PGRMC1: variants seen among roughly 807,000 people sequenced by gnomAD.
PGRMC1 encodes the protein membrane-associated progesterone receptor component 1.
For missense variants in PGRMC1, 145 were observed against 169.0 expected, an observed-to-expected ratio of 0.86 and a Z score of 0.79; for synonymous variants, 73 against 77.3, an observed-to-expected ratio of 0.94 and a Z score of 0.29.
intron 1 of PGRMC1, among the ~76,000 whole-genome samples, chrX:119,236,994 C>T (rs1338893942): frequency 9.0e-6 from 1 of 111,513 alleles, no homozygotes; most frequent in Non-Finnish European, 1.9e-5. Flanking sequence ...TGGGTGGGAC[C>T]ACGAAGCTCG....
intron 1 of PGRMC1, among the ~76,000 whole-genome samples, 166 bp from the exon 2 acceptor site, chrX:119,240,143 G>A (rs1231795174): frequency 8.9e-6 from 1 of 112,376 alleles, no homozygotes; most frequent in Non-Finnish European, 1.9e-5. Flanking sequence ...GTCTTTCTGT[G>A]TCTCCTACAT....
chrX:119,242,212 T>C (rs1372115326), intron 2 of PGRMC1, among the ~76,000 whole-genome samples: 2 of 103,587 alleles, frequency 1.9e-5, no homozygotes, highest in Non-Finnish European at 4.0e-5. Context: ...CAGGGAAACC[T>C]TTTTTTTTTT....
chrX:119,243,479 A>G lies in PGRMC1; in HGVS notation c.*225A>G, dbSNP rs768340463. Reference sequence around the variant, plus strand: ...AGTGAACTGCAGTGCTGTAATACACATGTTAATACTGTTTTTCTTCTATCT... The same window carrying G: ...AGTGAACTGCAGTGCTGTAATACACGTGTTAATACTGTTTTTCTTCTATCT... On this transcript the variant is annotated 3_prime_UTR_variant, in exon 3 of 3. Coordinates refer to ENST00000217971, the MANE Select transcript of PGRMC1 (RefSeq NM_006667.5). The G allele has an allele frequency of 1.7e-5, 7 of 402,172 alleles. No homozygotes were observed. Among genetic ancestry groups the G allele is most frequent in the African/African-American group, 1.5e-4 (6 of 39,834 alleles). 33.1% of individuals were successfully genotyped at this position (402,172 alleles called of 1,213,427 possible).
chrX:119,236,375 G>A lies in PGRMC1; in HGVS notation c.12G>A (p.Glu4=), dbSNP rs1930691733. Residue 4 remains glutamate (E), a synonymous_variant, in exon 1 of 3, where the codon GAG becomes GAA. Transcript: ENST00000217971. ...TTACTCCAGAGATCATGGCTGCCGA[G>A]GATGTGGTGGCGACTGGCGCCGACC... is the stretch of plus-strand genomic sequence containing the variant. MAA[E]DVVATGADPS... 8.3e-7 allele frequency: 1 copy of A among 1,210,592 alleles called. No individual in the cohort carries two copies. The highest frequency in any genetic ancestry group is 1.8e-5 in the South Asian group (1 of 57,010).
chrX:119,237,152 G>A (rs1318534309), intron 1 of PGRMC1, among the ~76,000 whole-genome samples: 4 of 110,486 alleles, frequency 3.6e-5, no homozygotes, highest in African/African-American at 1.3e-4. Context: ...GGGGGAGGGC[G>A]AGAGTGAGAA....
intron 2 of PGRMC1, 86 bp downstream of exon 2, chrX:119,240,550 T>C (rs1441717023): frequency 2.2e-5 from 18 of 808,992 alleles, no homozygotes; most frequent in Non-Finnish European, 3.3e-5. Flanking sequence ...CTAAGCAGCC[T>C]GAAACTTGGG....
chrX:119,240,054 T>C (rs187980601), intron 1 of PGRMC1, among the ~76,000 whole-genome samples: 1 of 112,060 alleles, frequency 8.9e-6, no homozygotes, highest in East Asian at 2.8e-4. Context: ...TTACTAGCTA[T>C]TTGGAAACCA....
intron 1 of PGRMC1, among the ~76,000 whole-genome samples, chrX:119,239,510 T>C (rs1200356936): frequency 1.8e-5 from 2 of 112,681 alleles, no homozygotes; most frequent in Non-Finnish European, 3.7e-5. Flanking sequence ...ATATCCACTT[T>C]GTGTACCCAC....
At position 119,240,477 on chromosome X, in the gene PGRMC1, A is replaced by C; in HGVS notation, c.484+13A>C. The C allele has an allele frequency of 1.7e-6, 2 of 1,188,793 alleles. No individual in the cohort carries two copies. The highest frequency in any genetic ancestry group is 2.3e-6 in the Non-Finnish European group (2 of 874,860). The stretch of plus-strand genomic sequence containing the variant: ...TCTCAGTTCACTTGTAAGCATTTTT[A>C]AAATTGTGTCTGGGTCAAATTTCTA... On this transcript the variant is annotated intron_variant, in intron 2 of 2. Transcript: ENST00000217971.
chrX:119,242,665 C>T (rs1930845215), intron 2 of PGRMC1, among the ~76,000 whole-genome samples: 1 of 111,768 alleles, frequency 8.9e-6, no homozygotes, highest in Non-Finnish European at 1.9e-5. Context: ...AATCTTATCT[C>T]CTACTAACTT....
chrX:119,240,316 G>T lies in PGRMC1; in HGVS notation c.336G>T (p.Pro112=), dbSNP rs148870848. ...TTGGTTTTGTTTTTGAAGAGGGGCC[G>T]TATGGGGTCTTTGCTGGAAGAGATG... The part of the protein sequence containing the change: ...KGRKFYGPEG[P]YGVFAGRDAS... The change falls in exon 2 of 3, where the codon CCG becomes CCT. Residue 112 remains proline, a synonymous_variant. Transcript: ENST00000217971. 7.4e-6 allele frequency: 9 copies of T among 1,208,185 alleles called. 1 individual carries two copies. In the African/African-American group the frequency reaches 1.4e-4, roughly 19 times the overall value.
rs1320576197 is a variant in PGRMC1 at position 119,236,303 on chromosome X, A to T, written c.-61A>T. The stretch of plus-strand genomic sequence containing the variant: ...GCGCGCCACTCGCTCGCTCAGAGGG[A>T]GGAGAAAGTGGCGAGTTCCGGATCC... On this transcript the variant is annotated 5_prime_UTR_variant, in exon 1 of 3. Coordinates refer to ENST00000217971, the MANE Select transcript of PGRMC1 (RefSeq NM_006667.5). 1.1e-5 allele frequency: 12 copies of T among 1,044,456 alleles called. No individual in the cohort carries two copies. Among genetic ancestry groups the T allele is most frequent in the Non-Finnish European group, 1.5e-5 (11 of 753,666 alleles). The allele number at this position is 1,044,456 out of a possible 1,213,427, so 86.1% of individuals were successfully genotyped here. A position where few individuals can be genotyped will look rare whatever the true frequency, so the allele number is the denominator to read the frequency against.
Position 119,240,437 on chromosome X carries a change from C to G in PGRMC1, c.457C>G (p.Leu153Val), listed in dbSNP as rs373439524. The part of the protein sequence containing the change: ...SDLTAAQQET[L>V]SDWESQFTFK... Reference sequence around the variant, plus strand: ...CCTCACTGCTGCCCAGCAGGAGACTCTGAGTGACTGGGAGTCTCAGTTCAC... The same window carrying G: ...CCTCACTGCTGCCCAGCAGGAGACTGTGAGTGACTGGGAGTCTCAGTTCAC... The change falls in exon 2 of 3, where the codon CTG (leucine) becomes GTG (valine). Residue 153 changes from leucine (L) to valine (V), a missense_variant. Coordinates refer to ENST00000217971, the MANE Select transcript of PGRMC1 (RefSeq NM_006667.5). 2 of 1,206,397 alleles carry G rather than the reference C, an allele frequency of 1.7e-6. No individual in the cohort carries two copies. The highest frequency in any genetic ancestry group is 3.5e-5 in the African/African-American group (2 of 57,047).
Position 119,241,781 on chromosome X carries a change from T to G in PGRMC1, c.484+1317T>G, listed in dbSNP as rs188921745. On this transcript the variant is annotated intron_variant, in intron 2 of 2. Transcript: ENST00000217971. ...TTACCTGGTTAGACAGGTTGGTTACTCCTCTAATTCCTACTCATATTCAGG... is the reference window on the plus strand; with the variant it reads ...TTACCTGGTTAGACAGGTTGGTTACGCCTCTAATTCCTACTCATATTCAGG... 7.3e-3 allele frequency among the ~76,000 whole-genome samples: 819 copies of G among 112,105 alleles called. 5 individuals carry two copies. Among genetic ancestry groups the G allele is most frequent in the Non-Finnish European group, 0.011 (591 of 53,172 alleles).
intron 2 of PGRMC1, among the ~76,000 whole-genome samples, chrX:119,241,710 A>G (rs771863890): frequency 6.3e-5 from 7 of 111,986 alleles, no homozygotes; most frequent in African/African-American, 2.3e-4. Context: ...TGTCTCACAC[A>G]GTTCCAATTG....
rs772375307 is a variant in PGRMC1, at chrX:119,236,386, C to A, written c.23C>A (p.Ala8Glu). The change falls in exon 1 of 3, where the codon GCG becomes GAG. Residue 8 changes from alanine (A) to glutamate (E), a missense_variant. Coordinates refer to ENST00000217971, the MANE Select transcript of PGRMC1 (RefSeq NM_006667.5). MAAEDVV[A>E]TGADPSDLES... is the part of the protein sequence containing the mutation. ...ATCATGGCTGCCGAGGATGTGGTGGCGACTGGCGCCGACCCAAGCGATCTG... is the reference window on the plus strand; with the variant it reads ...ATCATGGCTGCCGAGGATGTGGTGGAGACTGGCGCCGACCCAAGCGATCTG... 3 of 1,210,364 alleles carry A rather than the reference C, an allele frequency of 2.5e-6. No homozygotes were observed. The South Asian group carries it at 5.3e-5, about 21-fold the overall frequency.
In PGRMC1 at chrX:119,243,700, C is replaced by T. The variant is rs945719537; in HGVS notation, c.*446C>T. 6.0e-6 allele frequency: 1 copy of T among 166,652 alleles called. No individual in the cohort carries two copies. The highest frequency in any genetic ancestry group is 3.1e-5 in the African/African-American group (1 of 31,852). 13.7% of individuals were successfully genotyped at this position (166,652 alleles called of 1,213,427 possible). ...ACTGCATGATTTCTGTTTTATCTACCTCTAAAGCAAATCTGCAGTGTTCCA... is the reference window on the plus strand; with the variant it reads ...ACTGCATGATTTCTGTTTTATCTACTTCTAAAGCAAATCTGCAGTGTTCCA... On this transcript the variant is annotated 3_prime_UTR_variant, in exon 3 of 3. Coordinates refer to ENST00000217971, the MANE Select transcript of PGRMC1 (RefSeq NM_006667.5).
intron 1 of PGRMC1, 118 bp from the exon 2 acceptor site, chrX:119,240,191 G>A: frequency 4.6e-6 from 3 of 652,403 alleles, no homozygotes; most frequent in Non-Finnish European, 7.5e-6. Context: ...GTTTCCTAAT[G>A]GAATTTGATA....
chrX:119,236,335 A>G lies in PGRMC1; in HGVS notation c.-29A>G, dbSNP rs745917262. ...AGTGGCGAGTTCCGGATCCCTGCCT[A>G]GCGCGGCCCAACCTTTACTCCAGAG... On this transcript the variant is annotated 5_prime_UTR_variant, in exon 1 of 3. Coordinates refer to ENST00000217971, the MANE Select transcript of PGRMC1 (RefSeq NM_006667.5). The G allele has an allele frequency of 8.5e-7, 1 of 1,174,438 alleles. No homozygotes were observed. The highest frequency in any genetic ancestry group is 1.8e-5 in the African/African-American group (1 of 56,594).
Sources: gnomAD v4.1 joint callset for allele counts (sites outside exome capture counted in the v4.1 genomes callset) on GRCh38, gnomAD v4.1.1 for gene constraint, MANE v1.5 for transcripts, NCBI Gene and HGNC (gene_info 2026-07-23, HGNC 2026-07-21) for gene names.